Variants in CA10 observed in about 807,000 individuals in gnomAD.
CA10 encodes the protein carbonic anhydrase-related protein 10.
A neutral mutation model predicts 44.2 loss-of-function variants in CA10; 14 were observed. The observed-to-expected ratio is 0.32, with a 90% CI of 0.21 to 0.50. The LOEUF (loss-of-function observed/expected upper bound fraction) is 0.50, where lower values mean the gene tolerates loss of function less well. CA10 is among the 20% of genes least tolerant of loss of function. CA10 has a pLI of 0.99. For synonymous variants in CA10, 159 were observed against 141.6 expected (o/e 1.12, Z -0.87); for missense variants, 350 against 409.7 (o/e 0.85, Z 1.26).
chr17:51,814,313 G>A (rs1745924877), intron 3 of CA10, among the ~76,000 whole-genome samples: 1 of 152,160 alleles, frequency 6.6e-6, no homozygotes, highest in African/African-American at 2.4e-5. Context: ...CAACAGCTCT[G>A]GAAGGTCGCT....
intron 3 of CA10, among the ~76,000 whole-genome samples, chr17:51,898,626 G>A (rs1269124111): frequency 6.6e-6 from 1 of 152,096 alleles, no homozygotes; most frequent in Non-Finnish European, 1.5e-5. Flanking sequence ...AGTAGGAATG[G>A]TGCCAGCTCT....
intron 1 of CA10, among the ~76,000 whole-genome samples, chr17:52,142,756 C>T (rs988488257): frequency 6.6e-6 from 1 of 152,214 alleles, no homozygotes; most frequent in South Asian, 2.1e-4. Context: ...GCTCATATTC[C>T]TCACAACCTC....
At chr17:52,070,296 C>T (rs141850445) in intron 2 of CA10, 2 of 151,126 alleles carry the variant, frequency 1.3e-5, no homozygotes, top group Non-Finnish European at 2.9e-5. Context: ...TTGAGAAACC[C>T]TTACACACAT....
At chr17:52,115,225 AT>A (rs1162104568) in intron 1 of CA10, among the ~76,000 whole-genome samples, 1 of 152,000 alleles carries the variant, frequency 6.6e-6, no homozygotes, top group African/African-American at 2.4e-5. Flanking sequence ...TTGCTGAGAG[AT>A]TTATTTTCGC....
At chr17:51,727,816 G>T (rs911681675) in intron 4 of CA10, among the ~76,000 whole-genome samples, 8 of 151,860 alleles carry the variant, frequency 5.3e-5, no homozygotes, top group South Asian at 2.1e-4. Context: ...AAAGACAGAC[G>T]ATGCCCCTGT....
intron 3 of CA10, among the ~76,000 whole-genome samples, chr17:51,920,646 A>G (rs187856474): frequency 6.6e-6 from 1 of 152,184 alleles, no homozygotes; most frequent in Non-Finnish European, 1.5e-5. Context: ...AGAGGTAAAC[A>G]TTACAAAGAA....
intron 4 of CA10, among the ~76,000 whole-genome samples, chr17:51,704,899 G>T (rs947282900): frequency 5.3e-5 from 8 of 151,796 alleles, no homozygotes; most frequent in Admixed American, 5.3e-4. Context: ...GGAGGTGGAG[G>T]TGGAGGTTGC....
intron 5 of CA10, among the ~76,000 whole-genome samples, chr17:51,650,391 T>G (rs77786441): frequency 2.1e-4 from 32 of 152,306 alleles, no homozygotes; most frequent in African/African-American, 7.7e-4. Context: ...AGCAGATGAT[T>G]ATTATTATTA....
intron 2 of CA10, among the ~76,000 whole-genome samples, chr17:52,051,392 A>G (rs1987066615): frequency 6.6e-6 from 1 of 151,898 alleles, no homozygotes. Context: ...AATTTTGCAA[A>G]CTACACATCC....
At chr17:52,001,821 G>C (rs1349210614) in intron 2 of CA10, among the ~76,000 whole-genome samples, 1 of 151,948 alleles carries the variant, frequency 6.6e-6, no homozygotes, top group African/African-American at 2.4e-5. Flanking sequence ...ATAAAAATGG[G>C]TGTTTGGGAG....
At chr17:52,128,479 C>T (rs985811264) in intron 1 of CA10, among the ~76,000 whole-genome samples, 3 of 152,126 alleles carry the variant, frequency 2.0e-5, no homozygotes, top group Non-Finnish European at 4.4e-5. Flanking sequence ...CTTCATGGGT[C>T]GTCCACTGTG....
At chr17:52,095,526 A>G (rs1988381306) in intron 1 of CA10, among the ~76,000 whole-genome samples, 1 of 152,188 alleles carries the variant, frequency 6.6e-6, no homozygotes, top group Admixed American at 6.5e-5. Context: ...GGCAAATGGA[A>G]ATATATTTGT....
At chr17:52,058,399 A>G (rs1598191868) in intron 2 of CA10, among the ~76,000 whole-genome samples, 1 of 152,266 alleles carries the variant, frequency 6.6e-6, no homozygotes, top group South Asian at 2.1e-4. Context: ...TATTGTCTGT[A>G]TTTTACAAAT....
chr17:51,640,432 A>G (rs1913033130), intron 6 of CA10, among the ~76,000 whole-genome samples: 1 of 152,136 alleles, frequency 6.6e-6, no homozygotes, highest in African/African-American at 2.4e-5. Context: ...CCATCTCCAT[A>G]TGCTATTACC....
At position 52,136,238 on chromosome 17, in the gene CA10, G is replaced by C. The variant is rs145668964; in HGVS notation, c.61+21488C>G. On this transcript the variant is annotated intron_variant, in intron 1 of 8. Transcript: ENST00000451037. ...TCTAAATGTGCCCTGTCAAAATGAA[G>C]GGAGCAGACCCAGTAAGGCTGAAGT... Among the ~76,000 whole-genome samples, 67 of 152,302 alleles carry C rather than the reference G, an allele frequency of 4.4e-4. 2 individuals carry two copies. Among genetic ancestry groups the C allele is most frequent in the African/African-American group, 1.6e-3 (65 of 41,574 alleles).
intron 1 of CA10, among the ~76,000 whole-genome samples, chr17:52,131,424 C>T (rs2202237): frequency 0.68 from 102,045 of 150,980 alleles, 36,039 homozygotes; most frequent in African/African-American, 0.9. Flanking sequence ...ATGCAACCAG[C>T]ATATAAAATA....
intron 3 of CA10, among the ~76,000 whole-genome samples, chr17:51,882,881 A>G (rs757055749): frequency 2.1e-4 from 32 of 152,206 alleles, no homozygotes; most frequent in South Asian, 2.1e-4. Flanking sequence ...CTCCTTTCTC[A>G]GAATAGAGTA....
intron 3 of CA10, among the ~76,000 whole-genome samples, chr17:51,865,984 G>A (rs1979529555): frequency 6.6e-6 from 1 of 152,206 alleles, no homozygotes; most frequent in African/African-American, 2.4e-5. Flanking sequence ...ATGATGCAGT[G>A]AATGAGCTGT....
intron 1 of CA10, among the ~76,000 whole-genome samples, chr17:52,102,923 C>T (rs187405811): frequency 9.2e-5 from 14 of 152,284 alleles, no homozygotes; most frequent in East Asian, 1.9e-4. Context: ...TCACCCTCTA[C>T]GGAAGTCACT....
Sources: gnomAD v4.1 joint callset for allele counts (sites outside exome capture counted in the v4.1 genomes callset) on GRCh38, gnomAD v4.1.1 for gene constraint, MANE v1.5 for transcripts, NCBI Gene and HGNC (gene_info 2026-07-23, HGNC 2026-07-21) for gene names.